Variants in PIP4K2A observed in about 807,000 individuals in gnomAD.
The protein encoded by PIP4K2A is phosphatidylinositol 5-phosphate 4-kinase type-2 alpha.
A neutral mutation model predicts 42.9 loss-of-function variants in PIP4K2A; 14 were observed. The observed-to-expected ratio is 0.33, with a 90% CI of 0.22 to 0.51. The LOEUF is 0.51. PIP4K2A is among the 20% of genes least tolerant of loss of function. The probability of loss-of-function intolerance (pLI) is 0.97; values close to 1 mark genes in which losing one functional copy is unlikely to be tolerated. For synonymous variants in PIP4K2A, 192 were observed against 192.2 expected, an observed-to-expected ratio of 1.00 and a Z score of 0.01; for missense variants, 434 against 519.8, an observed-to-expected ratio of 0.83 and a Z score of 1.61.
Position 22,537,031 on chromosome 10 carries a change from T to C in PIP4K2A, c.*170A>G. The C allele has an allele frequency of 1.9e-6, 1 of 534,684 alleles. No homozygotes were observed. The highest frequency in any genetic ancestry group is 2.1e-5 in the South Asian group (1 of 46,994). The allele number at this position is 534,684 out of a possible 1,614,324, so 33.1% of individuals were successfully genotyped here. The stretch of plus-strand genomic sequence containing the variant: ...CTAGAACGATGCTGGGAAAATCAGG[T>C]AGCTGTAAAGCGAGTAGCCCCCAAA... On this transcript the variant is annotated 3_prime_UTR_variant, in exon 10 of 10. Transcript: ENST00000376573.
chr10:22,608,090 A>T, intron 2 of PIP4K2A, 67 bp from the exon 3 acceptor site: 2 of 1,013,534 alleles, frequency 2.0e-6, no homozygotes, highest in African/African-American at 1.6e-5. Context: ...GCCACCACTG[A>T]GTTCCACAGG....
intron 3 of PIP4K2A, among the ~76,000 whole-genome samples, chr10:22,598,355 T>C (rs549943694): frequency 6.6e-6 from 1 of 152,276 alleles, no homozygotes; most frequent in South Asian, 2.1e-4. Flanking sequence ...GAGACTCTGT[T>C]AAAAAATAAA....
intron 4 of PIP4K2A, among the ~76,000 whole-genome samples, chr10:22,578,517 T>C (rs1194875975): frequency 6.6e-6 from 1 of 152,198 alleles, no homozygotes; most frequent in East Asian, 1.9e-4. Context: ...GCAGTCCTCC[T>C]ACTCCGTCCC....
chr10:22,619,864 A>G (rs566903144), intron 1 of PIP4K2A, among the ~76,000 whole-genome samples: 13 of 152,360 alleles, frequency 8.5e-5, no homozygotes, highest in Admixed American at 7.8e-4. Context: ...CAATATCTAG[A>G]AAAGAAATGC....
chr10:22,604,455 C>G (rs1420522286), intron 3 of PIP4K2A, among the ~76,000 whole-genome samples: 1 of 151,830 alleles, frequency 6.6e-6, no homozygotes, highest in African/African-American at 2.4e-5. Flanking sequence ...ATAAACCAGA[C>G]GATGGAGCCC....
chr10:22,619,523 G>A (rs1055531545), intron 1 of PIP4K2A, among the ~76,000 whole-genome samples: 1 of 147,924 alleles, frequency 6.8e-6, no homozygotes, highest in Non-Finnish European at 1.5e-5. Context: ...TGTAACCACC[G>A]CCTCCTGGGT....
chr10:22,542,742 A>G (rs1189822274), intron 7 of PIP4K2A, among the ~76,000 whole-genome samples: 1 of 152,226 alleles, frequency 6.6e-6, no homozygotes, highest in Non-Finnish European at 1.5e-5. Flanking sequence ...TTGACTTTTC[A>G]GATCACGATT....
At chr10:22,662,458 C>T (rs1372862702) in intron 1 of PIP4K2A, among the ~76,000 whole-genome samples, 5 of 152,184 alleles carry the variant, frequency 3.3e-5, no homozygotes, top group Non-Finnish European at 7.3e-5. Context: ...CAAAGGCCAA[C>T]CTCTAAATTT....
At chr10:22,685,337 G>A (rs770286817) in intron 1 of PIP4K2A, among the ~76,000 whole-genome samples, 35 of 152,068 alleles carry the variant, frequency 2.3e-4, no homozygotes, top group Non-Finnish European at 4.3e-4. Context: ...GAAGAGAGGC[G>A]AATCATTAAG....
Position 22,541,847 on chromosome 10 carries a change from C to A in PIP4K2A, c.993G>T (p.Glu331Asp), listed in dbSNP as rs768524324. The A allele has an allele frequency of 5.7e-6, 9 of 1,586,654 alleles. No individual in the cohort carries two copies. The South Asian group carries it at 1.0e-4, about 18-fold the overall frequency. The change falls in exon 8 of 10, where the codon GAG becomes GAT. Residue 331 changes from glutamate (E) to aspartate (D), a missense_variant. Coordinates refer to ENST00000376573, the MANE Select transcript of PIP4K2A (RefSeq NM_005028.5). ...LNSSPPLAPG[E>D]FDPNIDVYGI... ...CATAGACGTCGATGTTCGGATCGAA[C>A]TCCCCGGGAGCCAGGGGTGGTGAGC...
intron 1 of PIP4K2A, among the ~76,000 whole-genome samples, chr10:22,672,064 T>G (rs938513800): frequency 6.6e-6 from 1 of 152,224 alleles, no homozygotes; most frequent in Non-Finnish European, 1.5e-5. Context: ...AGGTATATCA[T>G]AACCTGAAGC....
At chr10:22,677,479 C>G (rs1249120623) in intron 1 of PIP4K2A, among the ~76,000 whole-genome samples, 2 of 152,232 alleles carry the variant, frequency 1.3e-5, no homozygotes, top group Non-Finnish European at 2.9e-5. Flanking sequence ...TGGGGCACAA[C>G]TCCCTGCAGA....
chr10:22,643,095 T>G (rs948344461), intron 1 of PIP4K2A, among the ~76,000 whole-genome samples: 3 of 152,216 alleles, frequency 2.0e-5, no homozygotes, highest in South Asian at 4.1e-4. Flanking sequence ...GATGGACACC[T>G]CATCAGGATG....
intron 6 of PIP4K2A, among the ~76,000 whole-genome samples, chr10:22,557,600 T>TA (rs1230473035): frequency 2.6e-5 from 4 of 152,224 alleles, no homozygotes; most frequent in Non-Finnish European, 4.4e-5. Context: ...AGCCAGAAGT[T>TA]ATATGAACAT....
intron 1 of PIP4K2A, among the ~76,000 whole-genome samples, chr10:22,692,020 C>T (rs943163650): frequency 6.6e-6 from 1 of 152,030 alleles, no homozygotes; most frequent in African/African-American, 2.4e-5. Context: ...TGGGATGACT[C>T]AAGACCATTA....
intron 1 of PIP4K2A, chr10:22,691,862 T>G (rs1461899129): frequency 1.3e-5 from 2 of 152,162 alleles, no homozygotes; most frequent in Non-Finnish European, 2.9e-5. Context: ...GAACAATAGC[T>G]GAGATTCTAA....
chr10:22,607,018 G>A (rs1411904046), intron 3 of PIP4K2A, among the ~76,000 whole-genome samples: 1 of 150,082 alleles, frequency 6.7e-6, no homozygotes, highest in Non-Finnish European at 1.5e-5. Context: ...AACAAAGGCT[G>A]TGTTGAGCAC....
chr10:22,582,624 T>G (rs943198), intron 4 of PIP4K2A, among the ~76,000 whole-genome samples: 42,022 of 151,986 alleles, frequency 0.28, 6,177 homozygotes, highest in Non-Finnish European at 0.32. Flanking sequence ...TTAAATTATC[T>G]GTAATCCTTA....
chr10:22,659,450 G>A (rs1380193726), intron 1 of PIP4K2A, among the ~76,000 whole-genome samples: 1 of 152,168 alleles, frequency 6.6e-6, no homozygotes, highest in Non-Finnish European at 1.5e-5. Context: ...AAAATTAGCT[G>A]GGCATGGTGC....
Sources: gnomAD v4.1 joint callset for allele counts (sites outside exome capture counted in the v4.1 genomes callset) on GRCh38, gnomAD v4.1.1 for gene constraint, MANE v1.5 for transcripts, NCBI Gene and HGNC (gene_info 2026-07-23, HGNC 2026-07-21) for gene names.